NTM: variants seen among roughly 807,000 people sequenced by gnomAD.
NTM encodes neurotrimin, also known as IgLON family member 2.
A neutral mutation model predicts 42.1 loss-of-function variants in NTM; 13 were observed. That is an observed-to-expected ratio of 0.31 (90% CI 0.20 to 0.49). The LOEUF (loss-of-function observed/expected upper bound fraction) is 0.49. NTM is among the 20% of genes least tolerant of loss of function. NTM has a pLI of 0.99. For synonymous variants in NTM, 187 were observed against 179.2 expected (o/e 1.04, Z -0.35); for missense variants, 373 against 452.8 (o/e 0.82, Z 1.60).
chr11:131,527,859 G>A (rs930130161), intron 1 of NTM, among the ~76,000 whole-genome samples: 5 of 151,292 alleles, frequency 3.3e-5, no homozygotes, highest in African/African-American at 1.2e-4. Flanking sequence ...GATTTGGAAA[G>A]CGATAAATCA....
intron 6 of NTM, among the ~76,000 whole-genome samples, chr11:132,311,751 G>T (rs1443163843): frequency 1.3e-5 from 2 of 151,378 alleles, no homozygotes; most frequent in Non-Finnish European, 2.9e-5. Context: ...TTCTTTATTG[G>T]AGAAAAATAG....
At chr11:132,326,174 A>G (rs1253045433) in intron 7 of NTM, among the ~76,000 whole-genome samples, 1 of 152,130 alleles carries the variant, frequency 6.6e-6, no homozygotes, top group Non-Finnish European at 1.5e-5. Context: ...AAATAATAAT[A>G]AAATAAAAAA....
At chr11:132,065,940 G>T (rs1461885328) in intron 2 of NTM, among the ~76,000 whole-genome samples, 1 of 152,140 alleles carries the variant, frequency 6.6e-6, no homozygotes, top group Non-Finnish European at 1.5e-5. Flanking sequence ...GCCTTTCTTT[G>T]TGTATGCCTG....
At chr11:131,872,656 TGTA>T (rs1256443819) in intron 1 of NTM, among the ~76,000 whole-genome samples, 2 of 152,196 alleles carry the variant, frequency 1.3e-5, no homozygotes, top group Non-Finnish European at 2.9e-5. Flanking sequence ...AAAATGGAAT[TGTA>T]GTATTTTAAG....
In NTM at chr11:132,031,051, G is replaced by A. The variant is rs1280763139; in HGVS notation, c.168-115231G>A. On this transcript the variant is annotated intron_variant, in intron 2 of 8. Transcript: ENST00000683400. ...GCAAAATGACAAGCTAGCCACTCAT[G>A]CACATTGCAAGCCTCAATCCTGTCT... Among the ~76,000 whole-genome samples the A allele has an allele frequency of 2.6e-5, 4 of 152,252 alleles. 1 individual carries two copies. The South Asian group carries it at 8.3e-4, about 32-fold the overall frequency.
intron 1 of NTM, chr11:131,671,450 A>G: frequency 1.0e-6 from 1 of 985,450 alleles, no homozygotes; most frequent in Non-Finnish European, 1.2e-6. Flanking sequence ...GGGCCTTGTC[A>G]GCTCTGGGCT....
chr11:131,415,241 C>T lies in NTM; in HGVS notation c.82+44353C>T, dbSNP rs118002574. On this transcript the variant is annotated intron_variant, in intron 1 of 8. Transcript: ENST00000683400. ...CACCTTTCTACAAAGAGAATCTCCTCGCAGTGCCCAATATATAAAGCAGAT... is the reference window on the plus strand; with the variant it reads ...CACCTTTCTACAAAGAGAATCTCCTTGCAGTGCCCAATATATAAAGCAGAT... Among the ~76,000 whole-genome samples the T allele has an allele frequency of 5.5e-3, 842 of 152,222 alleles. 4 individuals carry two copies. The highest frequency in any genetic ancestry group is 5.6e-3 in the Non-Finnish European group (384 of 68,014).
chr11:131,579,009 A>G (rs2058167142), intron 1 of NTM, among the ~76,000 whole-genome samples: 4 of 152,254 alleles, frequency 2.6e-5, no homozygotes, highest in Admixed American at 2.0e-4. Flanking sequence ...GGACTAAAAT[A>G]GAATTTAGGC....
At chr11:131,515,803 C>T (rs961926078) in intron 1 of NTM, among the ~76,000 whole-genome samples, 1 of 152,146 alleles carries the variant, frequency 6.6e-6, no homozygotes, top group Admixed American at 6.5e-5. Context: ...AGGGAGATTG[C>T]ACATACAAAG....
chr11:131,828,890 A>T (rs556540662), intron 1 of NTM, among the ~76,000 whole-genome samples: 2 of 152,214 alleles, frequency 1.3e-5, no homozygotes, highest in South Asian at 4.2e-4. Context: ...GCTAGTAAAA[A>T]TGTTCCTTTT....
At chr11:131,477,369 T>C (rs970426168) in intron 1 of NTM, among the ~76,000 whole-genome samples, 3 of 151,784 alleles carry the variant, frequency 2.0e-5, no homozygotes, top group East Asian at 1.9e-4. Context: ...CTCCAAGTCT[T>C]GTCCATTCTC....
At chr11:132,319,164 A>G (rs2095503002) in intron 7 of NTM, among the ~76,000 whole-genome samples, 1 of 152,250 alleles carries the variant, frequency 6.6e-6, no homozygotes, top group Non-Finnish European at 1.5e-5. Context: ...GAATAGGAAC[A>G]GCTCCAGTCT....
intron 1 of NTM, among the ~76,000 whole-genome samples, chr11:131,402,955 C>T (rs555289452): frequency 2.6e-4 from 40 of 152,304 alleles, no homozygotes; most frequent in Middle Eastern, 6.8e-3. Flanking sequence ...AAAGGATACT[C>T]CATGTGGATG....
intron 1 of NTM, among the ~76,000 whole-genome samples, chr11:131,728,483 G>T (rs759336603): frequency 1.3e-5 from 2 of 152,154 alleles, no homozygotes; most frequent in Non-Finnish European, 2.9e-5. Context: ...TTCCCTCCCT[G>T]GGTGATCCAC....
chr11:132,020,205 T>G (rs112344011), intron 2 of NTM, among the ~76,000 whole-genome samples: 3,904 of 152,238 alleles, frequency 0.026, 170 homozygotes, highest in African/African-American at 0.087. Flanking sequence ...CCATGGTTTA[T>G]ATGTACCACA....
At chr11:131,537,751 G>A (rs377332) in intron 1 of NTM, 98,324 of 152,304 alleles carry the variant, frequency 0.65, 34,948 homozygotes, top group Non-Finnish European at 0.8. Flanking sequence ...GCTGTCTCCC[G>A]GCACTGCCCT....
At chr11:132,056,852 C>G (rs139236085) in intron 2 of NTM, among the ~76,000 whole-genome samples, 30 of 152,304 alleles carry the variant, frequency 2.0e-4, no homozygotes, top group African/African-American at 7.2e-4. Context: ...GTGCACTCCA[C>G]GGAAACCACT....
intron 1 of NTM, among the ~76,000 whole-genome samples, chr11:131,465,242 C>A (rs543555883): frequency 6.6e-6 from 1 of 152,264 alleles, no homozygotes; most frequent in South Asian, 2.1e-4. Context: ...TAGGGATAAG[C>A]TTTGCACAGA....
chr11:131,681,266 T>C (rs1307041174), intron 1 of NTM, among the ~76,000 whole-genome samples: 2 of 51,644 alleles, frequency 3.9e-5, no homozygotes, highest in African/African-American at 5.0e-5. Context: ...TGTGTCTGTG[T>C]GTATGTCTCC....
Sources: allele counts gnomAD v4.1 joint callset (sites outside exome capture counted in the v4.1 genomes callset), GRCh38; gene constraint gnomAD v4.1.1; transcripts MANE v1.5; gene names NCBI Gene and HGNC (gene_info 2026-07-23, HGNC 2026-07-21).